DLST: variants seen among roughly 807,000 people sequenced by gnomAD.
DLST encodes the protein dihydrolipoamide S-succinyltransferase, also known as dihydrolipoyllysine-residue succinyltransferase component of 2-oxoglutarate dehydrogenase complex, mitochondrial.
Under a neutral mutation model 53.1 loss-of-function variants are expected in DLST, and 17 were observed. The observed-to-expected ratio is 0.32, with a 90% CI of 0.22 to 0.48. The LOEUF (loss-of-function observed/expected upper bound fraction) is 0.48. DLST is among the 20% of genes least tolerant of loss of function. DLST has a pLI of 0.99. For missense variants in DLST, 512 were observed against 583.9 expected, an observed-to-expected ratio of 0.88 and a Z score of 1.27; for synonymous variants, 206 against 204.8, an observed-to-expected ratio of 1.01 and a Z score of -0.05.
chr14:74,896,441 T>G (rs1474947551), intron 10 of DLST, among the ~76,000 whole-genome samples: 1 of 152,266 alleles, frequency 6.6e-6, no homozygotes, highest in Non-Finnish European at 1.5e-5. Flanking sequence ...CTTTTTGTCC[T>G]GAGGGTTTAG....
At chr14:74,899,884 C>T in intron 11 of DLST, 39 bp from the exon 12 acceptor site, 1 of 1,533,996 alleles carries the variant, frequency 6.5e-7, no homozygotes, top group Non-Finnish European at 9.0e-7. Flanking sequence ...CTTGGCCTTC[C>T]TGGGGAGTTG....
At chr14:74,886,797 A>G (rs2140187845) in intron 3 of DLST, among the ~76,000 whole-genome samples, 1 of 151,766 alleles carries the variant, frequency 6.6e-6, no homozygotes, top group East Asian at 1.9e-4. Flanking sequence ...GCTGGAGTGC[A>G]GTGGCGCGAT....
intron 14 of DLST, among the ~76,000 whole-genome samples, chr14:74,901,501 C>T (rs1421741881): frequency 6.6e-6 from 1 of 152,148 alleles, no homozygotes; most frequent in East Asian, 1.9e-4. Flanking sequence ...AACCACTGAG[C>T]TGAGGAGGCT....
intron 1 of DLST, 33 bp from the exon 2 acceptor site, chr14:74,882,558 G>T (rs1364626056): frequency 6.2e-7 from 1 of 1,609,954 alleles, no homozygotes; most frequent in African/African-American, 1.3e-5. Flanking sequence ...TTTTCATCTT[G>T]GGTGACGTCG....
At chr14:74,890,501 TGG>T (rs1365680072) in intron 6 of DLST, among the ~76,000 whole-genome samples, 1 of 151,880 alleles carries the variant, frequency 6.6e-6, no homozygotes, top group African/African-American at 2.4e-5. Context: ...GGTGAGGGGG[TGG>T]GGAGGGTAAA....
chr14:74,900,604 A>G (rs1276996185), intron 13 of DLST, among the ~76,000 whole-genome samples: 3 of 152,258 alleles, frequency 2.0e-5, no homozygotes, highest in Non-Finnish European at 2.9e-5. Context: ...GAAGTCTTCA[A>G]CTGTATGAAA....
rs377341812 is a variant in DLST, at chr14:74,881,967, C to T, written c.14C>T (p.Ser5Phe). ...TCCTCCGCCGTGATGCTGTCCCGAT[C>T]CCGCTGTGTGTCTCGGGCGTTCAGC... MLSRSRCVSRAFSRS... is the reference protein window; with the variant it reads MLSRFRCVSRAFSRS... The change falls in exon 1 of 15, where the codon TCC becomes TTC. Residue 5 changes from serine (S) to phenylalanine (F), a missense_variant. Ser to Phe is a radical substitution (Grantham distance 155). This residue lies in a region of DLST where 129 missense variants were observed against 90.9 expected (regional missense o/e 1.42). Coordinates refer to ENST00000334220, the MANE Select transcript of DLST (RefSeq NM_001933.5). 16 of 1,569,182 alleles carry T rather than the reference C, an allele frequency of 1.0e-5. No homozygotes were observed. Among genetic ancestry groups the T allele is most frequent in the East Asian group, 2.4e-5 (1 of 41,634 alleles).
In DLST at chr14:74,901,100, A is replaced by T. The variant is rs770700416; in HGVS notation, c.1094A>T (p.Asp365Val). The T allele has an allele frequency of 6.2e-7, 1 of 1,614,016 alleles. No individual in the cohort carries two copies. The highest frequency in any genetic ancestry group is 8.5e-7 in the Non-Finnish European group (1 of 1,179,980). The part of the protein sequence containing the change: ...RKNELAIEDM[D>V]GGTFTISNGG... ...AATGAACTTGCCATTGAAGATATGG[A>T]TGGCGGTACCTTCACCATTAGCAAT... The change falls in exon 14 of 15, where the codon GAT becomes GTT. Residue 365 changes from aspartate to valine, a missense_variant. Asp to Val is a radical substitution (Grantham distance 152). Transcript: ENST00000334220.
At position 74,889,116 on chromosome 14, in the gene DLST, T is replaced by C. The variant is rs761093767; in HGVS notation, c.168T>C (p.Ser56=). 6 of 1,614,098 alleles carry C rather than the reference T, an allele frequency of 3.7e-6. No individual in the cohort carries two copies. The Admixed American group carries it at 1.0e-4, about 27-fold the overall frequency. ...GTAGCATTAACAACAGTGTCTTCAG[T>C]GTTCGCTTTTTCAGAACTACAGCTG... is the stretch of plus-strand genomic sequence containing the variant. ...RKVVINNSVF[S]VRFFRTTAVC... Residue 56 remains serine (S), a synonymous_variant, in exon 4 of 15, where the codon AGT becomes AGC. Coordinates refer to ENST00000334220, the MANE Select transcript of DLST (RefSeq NM_001933.5).
At chr14:74,901,817 A>G (rs1048167441) in intron 14 of DLST, among the ~76,000 whole-genome samples, 15 of 151,512 alleles carry the variant, frequency 9.9e-5, no homozygotes, top group Admixed American at 2.0e-4. Flanking sequence ...TACACATACA[A>G]TTCCAGAATT....
intron 13 of DLST, among the ~76,000 whole-genome samples, 167 bp from the exon 14 acceptor site, chr14:74,900,899 G>GT (rs1373161253): frequency 6.6e-6 from 1 of 151,704 alleles, no homozygotes; most frequent in South Asian, 2.1e-4. Context: ...TAATTCTTAA[G>GT]TTTTTTATAC....
chr14:74,902,391 T>C lies in DLST; in HGVS notation c.*61T>C. ...GAACTGAAAACCAGTCTTCTCCCTGTCCCCTCATGGGTCCCGGGTTAGCCT... is the reference window on the plus strand; with the variant it reads ...GAACTGAAAACCAGTCTTCTCCCTGCCCCCTCATGGGTCCCGGGTTAGCCT... On this transcript the variant is annotated 3_prime_UTR_variant, in exon 15 of 15. Transcript: ENST00000334220. 1 of 1,531,268 alleles carries C rather than the reference T, an allele frequency of 6.5e-7. No individual in the cohort carries two copies. The highest frequency in any genetic ancestry group is 1.3e-5 in the South Asian group (1 of 79,062). The allele number at this position is 1,531,268 out of a possible 1,614,324, so 94.9% of individuals were successfully genotyped here. A position where few individuals can be genotyped will look rare whatever the true frequency, so the allele number is the denominator to read the frequency against.
intron 12 of DLST, 63 bp downstream of exon 12, chr14:74,900,059 G>T (rs1884193898): frequency 6.2e-6 from 8 of 1,300,420 alleles, no homozygotes; most frequent in Non-Finnish European, 8.8e-6. Context: ...GTGTGAAGGA[G>T]ATCACACAAG....
At chr14:74,889,781 C>A (rs1262816989) in intron 5 of DLST, 116 bp from the exon 6 acceptor site, 5 of 956,216 alleles carry the variant, frequency 5.2e-6, no homozygotes, top group Non-Finnish European at 8.2e-6. Flanking sequence ...TACATATGTA[C>A]TTTCTGCTGG....
chr14:74,898,507 G>T lies in DLST; in HGVS notation c.901+8G>T. The T allele has an allele frequency of 6.2e-7, 1 of 1,613,808 alleles. No homozygotes were observed. On this transcript the variant is annotated splice_region_variant and intron_variant, in intron 11 of 14. Transcript: ENST00000334220. ...AGCCTGTTGTAAATGCAGGTGAGTT[G>T]CTTGTGGCTGGAATTGGAGAGGTCC...
chr14:74,896,179 C>CT (rs1884073656), intron 10 of DLST, among the ~76,000 whole-genome samples: 1 of 152,220 alleles, frequency 6.6e-6, no homozygotes, highest in African/African-American at 2.4e-5. Flanking sequence ...AACAGGTCTT[C>CT]AAGAGTGACT....
At position 74,882,595 on chromosome 14, in the gene DLST, A is replaced by T; in HGVS notation, c.68A>T (p.Asn23Ile). 6.2e-7 allele frequency: 1 copy of T among 1,613,818 alleles called. No homozygotes were observed. The highest frequency in any genetic ancestry group is 1.7e-5 in the Admixed American group (1 of 59,998). Residue 23 changes from asparagine (N) to isoleucine (I), a missense_variant, in exon 2 of 15, where the codon AAC becomes ATC. Transcript: ENST00000334220. Reference protein sequence around the residue: ...SRSLSAFQKGNCPLGRRSLPG... With the variant: ...SRSLSAFQKGICPLGRRSLPG... Reference sequence around the variant, plus strand: ...TAATGTCTTCTTTCTCAACAGGGGAACTGCCCTCTAGGGAGACGTTCCCTG... The same window carrying T: ...TAATGTCTTCTTTCTCAACAGGGGATCTGCCCTCTAGGGAGACGTTCCCTG...
At chr14:74,882,555 C>G in intron 1 of DLST, 36 bp from the exon 2 acceptor site, 10 of 1,609,676 alleles carry the variant, frequency 6.2e-6, no homozygotes, top group Non-Finnish European at 7.6e-6. Flanking sequence ...TTTTTTTCAT[C>G]TTGGGTGACG....
chr14:74,898,261 C>T lies in DLST; in HGVS notation c.771-108C>T, dbSNP rs946464298. On this transcript the variant is annotated intron_variant, in intron 10 of 14. Transcript: ENST00000334220. ...TCAAAACTTGAACTAAGGTAATGGT[C>T]CAGAGTGAGGGAAAAGCTCTCACCT... 5 of 1,407,516 alleles carry T rather than the reference C, an allele frequency of 3.6e-6. No individual in the cohort carries two copies. The African/African-American group carries it at 7.3e-5, about 20-fold the overall frequency. The allele number at this position is 1,407,516 out of a possible 1,614,324, so 87.2% of individuals were successfully genotyped here.
Sources: allele counts gnomAD v4.1 joint callset (sites outside exome capture counted in the v4.1 genomes callset), GRCh38; gene constraint gnomAD v4.1.1; regional missense constraint gnomAD v4.1.1; transcripts MANE v1.5; gene names NCBI Gene and HGNC (gene_info 2026-07-23, HGNC 2026-07-21).